COL23A1: variants seen among roughly 807,000 people sequenced by gnomAD.
COL23A1 encodes collagen type XXIII alpha 1 chain.
In COL23A1, 97 loss-of-function variants were observed where a neutral mutation model predicts 99.3. The ratio of observed to expected loss-of-function variants is 0.98; its 90% CI spans 0.83 to 1.16. The LOEUF (loss-of-function observed/expected upper bound fraction) is 1.16. COL23A1 is among the 50% of genes most tolerant of loss of function. COL23A1 has a pLI of 0.00. For synonymous variants in COL23A1, 320 were observed against 308.2 expected, an observed-to-expected ratio of 1.04 and a Z score of -0.40; for missense variants, 762 against 757.4, an observed-to-expected ratio of 1.01 and a Z score of -0.07.
Position 178,313,665 on chromosome 5 carries a change from G to A in COL23A1, c.362-6746C>T, listed in dbSNP as rs1319917359. 1.3e-5 allele frequency among the ~76,000 whole-genome samples: 2 copies of A among 152,174 alleles called. No individual in the cohort carries two copies. Among genetic ancestry groups the A allele is most frequent in the Non-Finnish European group, 2.9e-5 (2 of 68,032 alleles). On this transcript the variant is annotated intron_variant, in intron 2 of 28. Coordinates refer to ENST00000390654, the MANE Select transcript of COL23A1 (RefSeq NM_173465.4). This position sits in a 1 kb window ranked among gnomAD's most constrained non-coding sequence, Gnocchi z 4.2. ...GGCCAAGATTTTCTCATCCCACCACGTGTCGAGTGTCCCTTCAGACCTGGT... is the reference window on the plus strand; with the variant it reads ...GGCCAAGATTTTCTCATCCCACCACATGTCGAGTGTCCCTTCAGACCTGGT...
chr5:178,470,992 T>A (rs1435147996), intron 2 of COL23A1, among the ~76,000 whole-genome samples: 2 of 152,190 alleles, frequency 1.3e-5, no homozygotes, highest in Non-Finnish European at 2.9e-5. Flanking sequence ...TTGCTAACTT[T>A]CAGCTCTGTG....
intron 2 of COL23A1, among the ~76,000 whole-genome samples, chr5:178,557,650 C>T (rs757337582): frequency 6.6e-6 from 1 of 152,158 alleles, no homozygotes; most frequent in Middle Eastern, 3.2e-3. Flanking sequence ...TGGGGAGCTG[C>T]GGCCAGCTAT....
chr5:178,580,208 A>G (rs971020742), intron 1 of COL23A1, among the ~76,000 whole-genome samples: 1 of 152,102 alleles, frequency 6.6e-6, no homozygotes, highest in African/African-American at 2.4e-5. Context: ...CATGCCTGTA[A>G]TCCCAGCTAC....
Position 178,415,065 on chromosome 5 carries a change from C to T in COL23A1, c.362-108146G>A, listed in dbSNP as rs1241348945. ...AATAAGATGAGGGCAGGTTTTTAAACAGTTTGTGCCTCAGTTTCTCAGCAC... is the reference window on the plus strand; with the variant it reads ...AATAAGATGAGGGCAGGTTTTTAAATAGTTTGTGCCTCAGTTTCTCAGCAC... On this transcript the variant is annotated intron_variant, in intron 2 of 28. Coordinates refer to ENST00000390654, the MANE Select transcript of COL23A1 (RefSeq NM_173465.4). The surrounding 1 kb of genome is among the most constrained non-coding windows in gnomAD (Gnocchi z 4.6). Among the ~76,000 whole-genome samples, 1 of 152,142 alleles carries T rather than the reference C, an allele frequency of 6.6e-6. No homozygotes were observed. Among genetic ancestry groups the T allele is most frequent in the Non-Finnish European group, 1.5e-5 (1 of 68,026 alleles).
At chr5:178,382,131 C>T (rs929566419) in intron 2 of COL23A1, among the ~76,000 whole-genome samples, 2 of 151,984 alleles carry the variant, frequency 1.3e-5, no homozygotes, top group African/African-American at 4.8e-5. Flanking sequence ...TGGCACAGTC[C>T]CTGGGGGGCT....
chr5:178,330,293 C>A (rs1759940721), intron 2 of COL23A1, among the ~76,000 whole-genome samples: 1 of 152,222 alleles, frequency 6.6e-6, no homozygotes, highest in Non-Finnish European at 1.5e-5. Flanking sequence ...GTCCTCACAG[C>A]AACCCTGTGT....
chr5:178,480,933 G>C (rs1757298307), intron 2 of COL23A1, among the ~76,000 whole-genome samples: 1 of 151,914 alleles, frequency 6.6e-6, no homozygotes, highest in African/African-American at 2.4e-5. Flanking sequence ...ATCACTTGAG[G>C]CCAGGAGTTC....
chr5:178,564,153 T>C (rs1228697013), intron 1 of COL23A1, among the ~76,000 whole-genome samples: 1 of 152,232 alleles, frequency 6.6e-6, no homozygotes, highest in African/African-American at 2.4e-5. Context: ...TGAGCTACTC[T>C]CACCTTAATA....
intron 2 of COL23A1, among the ~76,000 whole-genome samples, chr5:178,524,686 C>T (rs531718203): frequency 1.3e-5 from 2 of 152,292 alleles, no homozygotes; most frequent in East Asian, 1.9e-4. Context: ...CACGCTGACC[C>T]GAGGCAGGGC....
intron 2 of COL23A1, among the ~76,000 whole-genome samples, chr5:178,484,651 G>A (rs1340687413): frequency 2.6e-5 from 4 of 151,904 alleles, no homozygotes; most frequent in Admixed American, 1.3e-4. Context: ...GTGAAACCCC[G>A]TCTCTAGTAA....
chr5:178,518,602 T>C (rs1442010733), intron 2 of COL23A1, among the ~76,000 whole-genome samples: 8 of 139,174 alleles, frequency 5.7e-5, no homozygotes, highest in Admixed American at 4.2e-4. Flanking sequence ...GCAGAGGCGC[T>C]CCTCACATCT....
chr5:178,352,184 A>T (rs1761368047), intron 2 of COL23A1: 1 of 152,192 alleles, frequency 6.6e-6, no homozygotes, highest in Non-Finnish European at 1.5e-5. Context: ...TCCTGGTCTC[A>T]CCAAGAAGGT....
rs760624146 is a variant in COL23A1, at chr5:178,280,226, G to A, written c.441+8098C>T. Among the ~76,000 whole-genome samples, 2 of 152,234 alleles carry A rather than the reference G, an allele frequency of 1.3e-5. No individual in the cohort carries two copies. Among genetic ancestry groups the A allele is most frequent in the Non-Finnish European group, 2.9e-5 (2 of 68,050 alleles). On this transcript the variant is annotated intron_variant, in intron 5 of 28. Transcript: ENST00000390654. The surrounding 1 kb of genome is among the most constrained non-coding windows in gnomAD (Gnocchi z 4.9). ...CCCGCCCTCGGGCCACAGCCTGGGC[G>A]ATCAGCCAGGACGCTGGCCATTGAG...
intron 2 of COL23A1, among the ~76,000 whole-genome samples, chr5:178,319,627 A>C (rs1296822712): frequency 6.6e-6 from 1 of 152,202 alleles, no homozygotes; most frequent in Non-Finnish European, 1.5e-5. Context: ...TGACCCTTGC[A>C]GGCCTTGGAC....
rs574012561 is a variant in COL23A1 at position 178,309,526 on chromosome 5, G to A, written c.362-2607C>T. 1.1e-3 allele frequency among the ~76,000 whole-genome samples: 172 copies of A among 152,192 alleles called. No individual in the cohort carries two copies. Among genetic ancestry groups the A allele is most frequent in the African/African-American group, 3.9e-3 (161 of 41,504 alleles). On this transcript the variant is annotated intron_variant, in intron 2 of 28. Coordinates refer to ENST00000390654, the MANE Select transcript of COL23A1 (RefSeq NM_173465.4). The surrounding 1 kb of genome is among the most constrained non-coding windows in gnomAD (Gnocchi z 4.7). Reference sequence around the variant, plus strand: ...ACGGTGCTGGGGGCGCCATGTGACCGACTTGCAGATGGACAAGCGGTCTAC... The same window carrying A: ...ACGGTGCTGGGGGCGCCATGTGACCAACTTGCAGATGGACAAGCGGTCTAC...
Position 178,428,545 on chromosome 5 carries a change from A to G in COL23A1, c.362-121626T>C, listed in dbSNP as rs1331871020. On this transcript the variant is annotated intron_variant, in intron 2 of 28. Transcript: ENST00000390654. The surrounding 1 kb of genome is among the most constrained non-coding windows in gnomAD (Gnocchi z 5.0). The stretch of plus-strand genomic sequence containing the variant: ...GTCCAGGAGCCGCGGCAGGGTGCCC[A>G]GCGGGGCCTCTTGGATGCTCCTCCT... Among the ~76,000 whole-genome samples the G allele has an allele frequency of 6.6e-6, 1 of 152,184 alleles. No homozygotes were observed. Among genetic ancestry groups the G allele is most frequent in the Non-Finnish European group, 1.5e-5 (1 of 68,038 alleles).
intron 17 of COL23A1, 74 bp from the exon 18 acceptor site, chr5:178,250,179 A>G: frequency 1.9e-6 from 3 of 1,571,918 alleles, no homozygotes; most frequent in Non-Finnish European, 2.6e-6. Flanking sequence ...GAGGGCCAGG[A>G]CACACTGTGC....
intron 2 of COL23A1, among the ~76,000 whole-genome samples, chr5:178,538,528 TAACA>T (rs1297105886): frequency 6.6e-6 from 1 of 152,230 alleles, no homozygotes; most frequent in Non-Finnish European, 1.5e-5. Context: ...TAGAGAACCA[TAACA>T]AACAGTTCAA....
At position 178,544,212 on chromosome 5, in the gene COL23A1, C is replaced by G. The variant is rs1581603532; in HGVS notation, c.361+16470G>C. On this transcript the variant is annotated intron_variant, in intron 2 of 28. Transcript: ENST00000390654. This position sits in a 1 kb window ranked among gnomAD's most constrained non-coding sequence, Gnocchi z 4.4. ...CCACACAGTCCCCTCCCATGCAACC[C>G]TTCCTTCCCCTTCCCACCCCACCAC... Among the ~76,000 whole-genome samples, 1 of 152,134 alleles carries G rather than the reference C, an allele frequency of 6.6e-6. No homozygotes were observed. Among genetic ancestry groups the G allele is most frequent in the African/African-American group, 2.4e-5 (1 of 41,428 alleles).
Sources: allele counts gnomAD v4.1 joint callset (sites outside exome capture counted in the v4.1 genomes callset), GRCh38; gene constraint gnomAD v4.1.1; non-coding constraint Gnocchi (gnomAD v3.1); transcripts MANE v1.5; gene names NCBI Gene and HGNC (gene_info 2026-07-23, HGNC 2026-07-21).